The following ATP8A2 variants were observed in gnomAD, a reference collection of about 807,000 sequenced individuals.
The protein encoded by ATP8A2 is ATPase phospholipid transporting 8A2.
In ATP8A2, 100 loss-of-function variants were observed where a neutral mutation model predicts 165.6. The observed-to-expected ratio is 0.60, with a 90% CI of 0.51 to 0.71. The LOEUF (loss-of-function observed/expected upper bound fraction) is 0.71, where lower values mean the gene tolerates loss of function less well. ATP8A2 is among the 30% of genes least tolerant of loss of function. The pLI is 0.00. For synonymous variants in ATP8A2, 543 were observed against 548.8 expected (o/e 0.99, Z 0.15); for missense variants, 1,227 against 1,479.5 (o/e 0.83, Z 2.80).
intron 1 of ATP8A2, among the ~76,000 whole-genome samples, chr13:25,382,977 C>A (rs6491045): frequency 0.96 from 144,989 of 151,702 alleles, 69,493 homozygotes; most frequent in South Asian, 0.99. Context: ...GGATGGTCTC[C>A]ATCTCCTGAC....
intron 8 of ATP8A2, 42 bp from the exon 9 acceptor site, chr13:25,541,877 A>G: frequency 6.2e-7 from 1 of 1,612,356 alleles, no homozygotes; most frequent in Non-Finnish European, 8.5e-7. Context: ...CCCTAAGCAC[A>G]GAAGATTGTG....
chr13:25,566,244 G>A (rs758911759), intron 16 of ATP8A2, among the ~76,000 whole-genome samples: 22 of 151,992 alleles, frequency 1.4e-4, no homozygotes, highest in Non-Finnish European at 2.2e-4. Flanking sequence ...GGATGCTGCT[G>A]GAGTCTATGT....
chr13:25,797,765 C>A (rs1397006593), intron 27 of ATP8A2, among the ~76,000 whole-genome samples: 1 of 152,178 alleles, frequency 6.6e-6, no homozygotes, highest in East Asian at 1.9e-4. Flanking sequence ...TGTTTGAATG[C>A]AAGTTTATTA....
Position 25,509,433 on chromosome 13 carries a change from A to G in ATP8A2, c.222-20566A>G, listed in dbSNP as rs184781497. On this transcript the variant is annotated intron_variant, in intron 2 of 36. Coordinates refer to ENST00000381655, the MANE Select transcript of ATP8A2 (RefSeq NM_016529.6). ...ATACAAACTATTTACAAAATTTTCT[A>G]AGAAACTACCCACACAAATAAAATT... is the stretch of plus-strand genomic sequence containing the variant. Among the ~76,000 whole-genome samples, 745 of 152,276 alleles carry G rather than the reference A, an allele frequency of 4.9e-3. 7 individuals carry two copies. The highest frequency in any genetic ancestry group is 0.017 in the African/African-American group (717 of 41,554).
intron 25 of ATP8A2, among the ~76,000 whole-genome samples, chr13:25,719,471 A>G (rs1011524509): frequency 4.7e-5 from 7 of 149,910 alleles, no homozygotes; most frequent in African/African-American, 1.5e-4. Context: ...GGATGGGTGG[A>G]TGGATGGATG....
chr13:25,373,552 A>T (rs533173458), intron 1 of ATP8A2, among the ~76,000 whole-genome samples: 7 of 152,172 alleles, frequency 4.6e-5, no homozygotes, highest in Admixed American at 3.3e-4. Context: ...AGACCTGGGG[A>T]CACCCTCTGT....
At chr13:25,903,675 T>G (rs1953838043) in intron 33 of ATP8A2, among the ~76,000 whole-genome samples, 1 of 152,228 alleles carries the variant, frequency 6.6e-6, no homozygotes, top group Non-Finnish European at 1.5e-5. Context: ...CTTTAGGTTC[T>G]GAACTTGCTG....
intron 27 of ATP8A2, among the ~76,000 whole-genome samples, chr13:25,795,851 AAC>A (rs1398075408): frequency 6.6e-6 from 1 of 152,178 alleles, no homozygotes; most frequent in Non-Finnish European, 1.5e-5. Flanking sequence ...TAGAGAGAAG[AAC>A]CATCAAAACT....
intron 33 of ATP8A2, among the ~76,000 whole-genome samples, chr13:25,912,067 C>A (rs1325642446): frequency 6.6e-6 from 1 of 152,020 alleles, no homozygotes; most frequent in East Asian, 1.9e-4. Context: ...TTTACACTCC[C>A]AAATTAATTG....
At chr13:25,611,662 A>G (rs1215050978) in intron 24 of ATP8A2, among the ~76,000 whole-genome samples, 2 of 152,048 alleles carry the variant, frequency 1.3e-5, no homozygotes, top group Admixed American at 1.3e-4. Flanking sequence ...GGCTTTATAG[A>G]ATGATTTAGG....
chr13:25,814,541 A>G (rs1345238836), intron 27 of ATP8A2, among the ~76,000 whole-genome samples: 6 of 151,884 alleles, frequency 4.0e-5, no homozygotes, highest in African/African-American at 1.5e-4. Flanking sequence ...GACCCAATGG[A>G]ATAGAATAGA....
intron 35 of ATP8A2, among the ~76,000 whole-genome samples, chr13:25,970,513 T>C (rs1371847777): frequency 6.6e-6 from 1 of 152,264 alleles, no homozygotes; most frequent in African/African-American, 2.4e-5. Context: ...GAGGGCCACA[T>C]GCATTTTGCA....
intron 10 of ATP8A2, among the ~76,000 whole-genome samples, chr13:25,550,525 T>C (rs1264393794): frequency 6.6e-6 from 1 of 152,152 alleles, no homozygotes; most frequent in Non-Finnish European, 1.5e-5. Flanking sequence ...ACTGGAGTGA[T>C]TCTTGAATCT....
At chr13:25,770,819 CG>C (rs1357246381) in intron 26 of ATP8A2, among the ~76,000 whole-genome samples, 7 of 152,160 alleles carry the variant, frequency 4.6e-5, no homozygotes, top group Admixed American at 2.0e-4. Flanking sequence ...TGTGTTTCTA[CG>C]GTGTTGAGGT....
chr13:25,613,808 A>G (rs963824429), intron 24 of ATP8A2, among the ~76,000 whole-genome samples: 10 of 152,140 alleles, frequency 6.6e-5, no homozygotes, highest in Non-Finnish European at 1.0e-4. Context: ...TACTTGTTCA[A>G]TTCTGTTGCT....
At chr13:25,798,996 A>T (rs1950556141) in intron 27 of ATP8A2, among the ~76,000 whole-genome samples, 1 of 152,280 alleles carries the variant, frequency 6.6e-6, no homozygotes, top group African/African-American at 2.4e-5. Context: ...CTCTAAGAAA[A>T]AAAAAATTGA....
Position 25,539,088 on chromosome 13 carries a change from T to C in ATP8A2, c.581+1027T>C, listed in dbSNP as rs146035101. On this transcript the variant is annotated intron_variant, in intron 7 of 36. Coordinates refer to ENST00000381655, the MANE Select transcript of ATP8A2 (RefSeq NM_016529.6). Reference sequence around the variant, plus strand: ...GTGTGTGTGTGTGTGTGTGTGTGTGTGTGTGTGTGTGTTTTGTTTTGTTTT... The same window carrying C: ...GTGTGTGTGTGTGTGTGTGTGTGTGCGTGTGTGTGTGTTTTGTTTTGTTTT... Among the ~76,000 whole-genome samples the C allele has an allele frequency of 7.1e-3, 1,066 of 150,922 alleles. 7 individuals carry two copies. The highest frequency in any genetic ancestry group is 7.6e-3 in the Non-Finnish European group (517 of 67,648).
At chr13:25,390,746 A>G (rs1435000258) in intron 1 of ATP8A2, among the ~76,000 whole-genome samples, 5 of 152,142 alleles carry the variant, frequency 3.3e-5, no homozygotes, top group African/African-American at 1.2e-4. Flanking sequence ...CCAGGCCATC[A>G]TGGTGAAACC....
chr13:25,632,534 G>A (rs1037617035), intron 24 of ATP8A2, among the ~76,000 whole-genome samples: 1 of 152,158 alleles, frequency 6.6e-6, no homozygotes, highest in Non-Finnish European at 1.5e-5. Flanking sequence ...GGGATGAAGA[G>A]CAAATACATA....
Sources: gnomAD v4.1 joint callset for allele counts (sites outside exome capture counted in the v4.1 genomes callset) on GRCh38, gnomAD v4.1.1 for gene constraint, MANE v1.5 for transcripts, NCBI Gene and HGNC (gene_info 2026-07-23, HGNC 2026-07-21) for gene names.